ROBO2: variants seen among roughly 807,000 people sequenced by gnomAD.
ROBO2 encodes roundabout homolog 2.
A neutral mutation model predicts 160.8 loss-of-function variants in ROBO2; 53 were observed. The observed-to-expected ratio is 0.33, with a 90% CI of 0.26 to 0.41. The LOEUF (loss-of-function observed/expected upper bound fraction) is 0.41. ROBO2 is among the 10% of genes least tolerant of loss of function. The pLI is 1.00. For missense variants in ROBO2, 1,577 were observed against 1,722.4 expected, an observed-to-expected ratio of 0.92 and a Z score of 1.49; for synonymous variants, 664 against 611.7, an observed-to-expected ratio of 1.09 and a Z score of -1.26.
chr3:75,937,223 AAATG>A (rs1401730421), intron 1 of ROBO2, among the ~76,000 whole-genome samples: 1 of 152,156 alleles, frequency 6.6e-6, no homozygotes, highest in East Asian at 1.9e-4. Context: ...ATTCATGGTT[AAATG>A]GCCTGTTTTG....
intron 2 of ROBO2, among the ~76,000 whole-genome samples, chr3:77,323,404 A>C (rs2065022326): frequency 6.6e-6 from 1 of 152,080 alleles, no homozygotes; most frequent in Non-Finnish European, 1.5e-5. Flanking sequence ...GATGAGATCA[A>C]GTTTATAATC....
At chr3:77,602,003 G>A (rs554619411) in intron 19 of ROBO2, among the ~76,000 whole-genome samples, 5 of 152,340 alleles carry the variant, frequency 3.3e-5, no homozygotes, top group Non-Finnish European at 7.3e-5. Flanking sequence ...GCAGTGAGAC[G>A]TGAAGGGCGA....
chr3:77,578,872 A>AC (rs1361280136), intron 15 of ROBO2, among the ~76,000 whole-genome samples: 47 of 152,098 alleles, frequency 3.1e-4, no homozygotes, highest in African/African-American at 9.9e-4. Context: ...AAATATTGTT[A>AC]CTTTTTTTTA....
intron 2 of ROBO2, among the ~76,000 whole-genome samples, chr3:76,322,189 T>TATATAATATAC (rs2072603338): frequency 1.1e-5 from 1 of 91,820 alleles, no homozygotes; most frequent in African/African-American, 3.2e-5. Flanking sequence ...TATATATATA[T>TATATAATATAC]ATATATATAT....
chr3:76,832,642 A>T (rs762899061), intron 2 of ROBO2, among the ~76,000 whole-genome samples: 11 of 152,130 alleles, frequency 7.2e-5, no homozygotes, highest in Non-Finnish European at 1.6e-4. Context: ...AAGTAGAAAA[A>T]GAAAGAAAAT....
intron 1 of ROBO2, among the ~76,000 whole-genome samples, chr3:77,056,452 CA>C (rs1288443141): frequency 5.9e-5 from 9 of 152,032 alleles, no homozygotes; most frequent in Non-Finnish European, 8.8e-5. Context: ...TTAATTCATG[CA>C]GTGTTTTTTT....
intron 2 of ROBO2, among the ~76,000 whole-genome samples, chr3:77,414,765 A>T (rs2153526027): frequency 6.6e-6 from 1 of 152,338 alleles, no homozygotes; most frequent in South Asian, 2.1e-4. Flanking sequence ...TTGGAAAATA[A>T]GTGGGAACCC....
intron 2 of ROBO2, among the ~76,000 whole-genome samples, chr3:76,273,114 C>CTTATAAATATATATATAT (rs1707685017): frequency 9.4e-6 from 1 of 106,708 alleles, no homozygotes; most frequent in African/African-American, 4.4e-5. Context: ...TACACACACA[C>CTTATAAATATATATATAT]ATATAAATAT....
chr3:76,170,627 T>A (rs971817644), intron 2 of ROBO2, among the ~76,000 whole-genome samples: 11 of 152,332 alleles, frequency 7.2e-5, no homozygotes, highest in African/African-American at 2.6e-4. Context: ...TGGAGCAGGT[T>A]ACTTTTTTCA....
At chr3:77,628,701 T>C (rs1036860164) in intron 23 of ROBO2, among the ~76,000 whole-genome samples, 1 of 152,152 alleles carries the variant, frequency 6.6e-6, no homozygotes, top group Non-Finnish European at 1.5e-5. Flanking sequence ...GGAAGGGATG[T>C]CGAAAATCCC....
intron 2 of ROBO2, among the ~76,000 whole-genome samples, chr3:75,998,843 C>T (rs2065802129): frequency 6.6e-6 from 1 of 152,134 alleles, no homozygotes; most frequent in African/African-American, 2.4e-5. Flanking sequence ...CTCTCTTAGC[C>T]TCATCTTCTT....
intron 2 of ROBO2, among the ~76,000 whole-genome samples, chr3:77,333,679 G>T (rs1489612414): frequency 6.6e-6 from 1 of 152,086 alleles, no homozygotes; most frequent in Non-Finnish European, 1.5e-5. Flanking sequence ...CCAGTATATT[G>T]TTATAACCAT....
intron 2 of ROBO2, among the ~76,000 whole-genome samples, chr3:77,121,008 G>A (rs146744349): frequency 1.4e-3 from 212 of 152,032 alleles, no homozygotes; most frequent in African/African-American, 4.7e-3. Flanking sequence ...ACTGTGGCGC[G>A]ATCTGGGCTC....
intron 2 of ROBO2, among the ~76,000 whole-genome samples, chr3:76,409,073 A>G (rs1379478661): frequency 6.6e-6 from 1 of 152,108 alleles, no homozygotes; most frequent in Non-Finnish European, 1.5e-5. Flanking sequence ...TAAGTTTGAC[A>G]TATGAAAGTT....
chr3:77,544,122 T>A (rs1199051653), intron 6 of ROBO2, among the ~76,000 whole-genome samples: 3 of 151,940 alleles, frequency 2.0e-5, no homozygotes, highest in Non-Finnish European at 4.4e-5. Context: ...TTTTTTTTTT[T>A]TTTGGCACAA....
intron 2 of ROBO2, among the ~76,000 whole-genome samples, chr3:76,675,684 T>C (rs1188092324): frequency 1.1e-4 from 16 of 152,168 alleles, no homozygotes; most frequent in Admixed American, 9.8e-4. Context: ...TTAGACCATA[T>C]TCAACAAAAA....
intron 2 of ROBO2, chr3:76,434,780 G>T: frequency 7.7e-7 from 1 of 1,297,522 alleles, no homozygotes; most frequent in Non-Finnish European, 1.1e-6. Context: ...TGTTTGCGCA[G>T]ATTAATCAGG....
chr3:76,740,508 G>A (rs2093784582), intron 2 of ROBO2, among the ~76,000 whole-genome samples: 1 of 152,116 alleles, frequency 6.6e-6, no homozygotes, highest in African/African-American at 2.4e-5. Flanking sequence ...TGACCGATGT[G>A]TTGAATTCTC....
intron 2 of ROBO2, among the ~76,000 whole-genome samples, chr3:76,862,278 G>A (rs2070867351): frequency 6.6e-6 from 1 of 152,040 alleles, no homozygotes; most frequent in Admixed American, 6.6e-5. Flanking sequence ...CATTCTGGAT[G>A]GCTTTATCCT....
Sources: gnomAD v4.1 joint callset for allele counts (sites outside exome capture counted in the v4.1 genomes callset) on GRCh38, gnomAD v4.1.1 for gene constraint, MANE v1.5 for transcripts, NCBI Gene and HGNC (gene_info 2026-07-23, HGNC 2026-07-21) for gene names.